The following BDH1 variants were observed in gnomAD, a reference collection of about 807,000 sequenced individuals.
BDH1 encodes D-beta-hydroxybutyrate dehydrogenase, mitochondrial.
Under a neutral mutation model 33.1 loss-of-function variants are expected in BDH1, and 30 were observed. That is an observed-to-expected ratio of 0.91 (90% CI 0.68 to 1.23). The LOEUF is 1.23. Among genes scored for constraint, BDH1 ranks in the 50% most tolerant of loss-of-function variants. The pLI, the probability that BDH1 is intolerant of heterozygous loss-of-function variation, is 0.00. For synonymous variants in BDH1, 190 were observed against 183.6 expected, an observed-to-expected ratio of 1.03 and a Z score of -0.28; for missense variants, 443 against 464.4, an observed-to-expected ratio of 0.95 and a Z score of 0.42.
chr3:197,539,600 G>A (rs1283295531), intron 3 of BDH1, among the ~76,000 whole-genome samples: 4 of 152,164 alleles, frequency 2.6e-5, no homozygotes, highest in Non-Finnish European at 5.9e-5. Context: ...ACAAGATTCT[G>A]ACCCTCCCTA....
intron 2 of BDH1, among the ~76,000 whole-genome samples, chr3:197,548,314 C>T (rs1341389675): frequency 6.6e-6 from 1 of 152,220 alleles, no homozygotes; most frequent in Non-Finnish European, 1.5e-5. Flanking sequence ...GACCAGCTGG[C>T]TAAGCACACA....
chr3:197,537,579 A>G (rs1008661631), intron 3 of BDH1, among the ~76,000 whole-genome samples: 3 of 152,202 alleles, frequency 2.0e-5, no homozygotes, highest in South Asian at 4.1e-4. Flanking sequence ...GAGAACTAAT[A>G]TCCTTGGTTT....
chr3:197,559,086 T>C (rs561270223), upstream of BDH1, among the ~76,000 whole-genome samples: 55 of 148,966 alleles, frequency 3.7e-4, no homozygotes, highest in African/African-American at 1.3e-3. Context: ...CACTGCAACC[T>C]CCGCCTCCAG....
At chr3:197,519,102 C>G (rs1443383281) in intron 6 of BDH1, among the ~76,000 whole-genome samples, 1 of 151,142 alleles carries the variant, frequency 6.6e-6, no homozygotes, top group African/African-American at 2.4e-5. Flanking sequence ...TCAGGTGGAT[C>G]CCCCCATCAG....
Position 197,514,636 on chromosome 3 carries a change from C to T in BDH1, c.410-220G>A, listed in dbSNP as rs1712494880. On this transcript the variant is annotated intron_variant, in intron 6 of 7. Coordinates refer to ENST00000392379, the MANE Select transcript of BDH1 (RefSeq NM_203314.3). This position sits in a 1 kb window ranked among gnomAD's most constrained non-coding sequence, Gnocchi z 4.2. ...TCCCTTGCGTCTAGAATGTCCAGTC[C>T]TCACGTCACATCTGCCTGGCTCGAG... Among the ~76,000 whole-genome samples the T allele has an allele frequency of 6.6e-6, 1 of 152,126 alleles. No individual in the cohort carries two copies. The highest frequency in any genetic ancestry group is 2.1e-4 in the South Asian group (1 of 4,832).
Position 197,512,225 on chromosome 3 carries a change from G to T in BDH1, c.702C>A (p.Ser234Arg). The T allele has an allele frequency of 1.2e-6, 2 of 1,613,770 alleles. No homozygotes were observed. Among genetic ancestry groups the T allele is most frequent in the African/African-American group, 1.3e-5 (1 of 75,042 alleles). The stretch of plus-strand genomic sequence containing the variant: ...CGATGAAGTTGCCGGGCTCCACCAC[G>T]CTGACCTTCACGCCCAGGGGGTACA... ...YEMYPLGVKV[S>R]VVEPGNFIAA... Residue 234 changes from serine (S) to arginine (R), a missense_variant, in exon 8 of 8, where the codon AGC becomes AGA. Transcript: ENST00000392379.
At chr3:197,532,822 T>C (rs1714794647) in intron 4 of BDH1, among the ~76,000 whole-genome samples, 1 of 152,240 alleles carries the variant, frequency 6.6e-6, no homozygotes, top group Non-Finnish European at 1.5e-5. Context: ...ACGCTCAATG[T>C]AGCTAGTGAT....
At chr3:197,556,537 G>C (rs1017103443), upstream of BDH1, among the ~76,000 whole-genome samples, 2 of 151,846 alleles carry the variant, frequency 1.3e-5, no homozygotes, top group African/African-American at 4.8e-5. Context: ...GCGCGGTGGC[G>C]CACGCCTGTA....
intron 6 of BDH1, among the ~76,000 whole-genome samples, chr3:197,515,103 G>A (rs761699847): frequency 9.9e-5 from 15 of 152,210 alleles, no homozygotes; most frequent in South Asian, 2.1e-4. Context: ...GGAACTCGGC[G>A]CTGCTTTATT....
At position 197,512,293 on chromosome 3, in the gene BDH1, T is replaced by G. The variant is rs755013846; in HGVS notation, c.634A>C (p.Lys212Gln). The change falls in exon 8 of 8, where the codon AAG becomes CAG. Residue 212 changes from lysine to glutamine, a missense_variant. Transcript: ENST00000392379. ...TCCGAGAAAGCCTCTACCCCGAACT[T>G]GGTGATGCAGTACGGGGAGCGGGCC... ...NPARSPYCIT[K>Q]FGVEAFSDCL... 1.9e-6 allele frequency: 3 copies of G among 1,612,334 alleles called. No homozygotes were observed. The East Asian group carries it at 6.7e-5, about 36-fold the overall frequency.
intron 2 of BDH1, among the ~76,000 whole-genome samples, chr3:197,553,890 A>G (rs1716775245): frequency 6.6e-6 from 1 of 152,202 alleles, no homozygotes; most frequent in Non-Finnish European, 1.5e-5. Flanking sequence ...AGCCATTTCC[A>G]AGATGTTTGG....
At position 197,532,421 on chromosome 3, in the gene BDH1, G is replaced by A; in HGVS notation, c.258C>T (p.Cys86=). The change falls in exon 5 of 8, where the codon TGC becomes TGT. Residue 86 remains cysteine, a synonymous_variant. Transcript: ENST00000392379. ...HSKGFLVFAG[C]LMKDKGHDGV... is the part of the protein sequence containing the mutation. The stretch of plus-strand genomic sequence containing the variant: ...ATAACTCGTCTCTTACCTTCATCAA[G>A]CAGCCAGCAAACACAAGGAAGCCTT... 6.2e-7 allele frequency: 1 copy of A among 1,613,710 alleles called. No individual in the cohort carries two copies. The highest frequency in any genetic ancestry group is 8.5e-7 in the Non-Finnish European group (1 of 1,179,570).
chr3:197,555,533 T>C (rs2108768987), intron 1 of BDH1: 1 of 152,350 alleles, frequency 6.6e-6, no homozygotes, highest in South Asian at 2.1e-4. Flanking sequence ...GAATAATAAA[T>C]GCCAGATCAT....
At position 197,522,946 on chromosome 3, in the gene BDH1, C is replaced by T; in HGVS notation, c.268-165G>A. 1.4e-6 allele frequency: 1 copy of T among 691,662 alleles called. No homozygotes were observed. The highest frequency in any genetic ancestry group is 2.4e-6 in the Non-Finnish European group (1 of 420,824). 42.8% of individuals were successfully genotyped at this position (691,662 alleles called of 1,614,324 possible). A position where few individuals can be genotyped will look rare whatever the true frequency, so the allele number is the denominator to read the frequency against. ...CCACCAGCATGCGGTTCTTTTTAAT[C>T]CTGAGCACTGATGACCTATCAAGCA... On this transcript the variant is annotated intron_variant, in intron 5 of 7. Transcript: ENST00000392379. The surrounding 1 kb of genome is among the most constrained non-coding windows in gnomAD (Gnocchi z 4.8).
rs757889399 is a variant in BDH1 at position 197,525,422 on chromosome 3, C to G, written c.268-2641G>C. Among the ~76,000 whole-genome samples, 6 of 152,182 alleles carry G rather than the reference C, an allele frequency of 3.9e-5. No individual in the cohort carries two copies. The highest frequency in any genetic ancestry group is 7.3e-5 in the Non-Finnish European group (5 of 68,046). ...CCCCTATACAAGACCTCTCTGGTGC[C>G]CCTACACAGCATCACGACAAGGTCC... is the stretch of plus-strand genomic sequence containing the variant. On this transcript the variant is annotated intron_variant, in intron 5 of 7. Coordinates refer to ENST00000392379, the MANE Select transcript of BDH1 (RefSeq NM_203314.3). This position sits in a 1 kb window ranked among gnomAD's most constrained non-coding sequence, Gnocchi z 4.9.
chr3:197,544,954 G>A (rs1335056904), intron 3 of BDH1, among the ~76,000 whole-genome samples: 10 of 152,134 alleles, frequency 6.6e-5, no homozygotes, highest in African/African-American at 2.4e-4. Flanking sequence ...AGGCTGAGGC[G>A]GGAGAATTGC....
chr3:197,512,227 T>A lies in BDH1; in HGVS notation c.700A>T (p.Ser234Cys), dbSNP rs1461933313. The change falls in exon 8 of 8, where the codon AGC (serine) becomes TGC (cysteine). Residue 234 changes from serine (S) to cysteine (C), a missense_variant. Physicochemically the swap from Ser to Cys is moderately radical, Grantham distance 112. Coordinates refer to ENST00000392379, the MANE Select transcript of BDH1 (RefSeq NM_203314.3). ...ATGAAGTTGCCGGGCTCCACCACGC[T>A]GACCTTCACGCCCAGGGGGTACATC... ...YEMYPLGVKV[S>C]VVEPGNFIAA... is the part of the protein sequence containing the mutation. 6.2e-7 allele frequency: 1 copy of A among 1,613,686 alleles called. No homozygotes were observed. The highest frequency in any genetic ancestry group is 8.5e-7 in the Non-Finnish European group (1 of 1,180,028).
At chr3:197,527,149 T>C (rs1336591131) in intron 5 of BDH1, among the ~76,000 whole-genome samples, 2 of 152,216 alleles carry the variant, frequency 1.3e-5, no homozygotes, top group South Asian at 2.1e-4. Context: ...GTCAGCATCT[T>C]ATCACATGTG....
chr3:197,571,873 G>A (rs1211606970), intron 1 of BDH1, among the ~76,000 whole-genome samples: 2 of 152,188 alleles, frequency 1.3e-5, no homozygotes, highest in Non-Finnish European at 2.9e-5. Flanking sequence ...GACCAGCCTA[G>A]GCAAACAGCA....
Sources: allele counts gnomAD v4.1 joint callset (sites outside exome capture counted in the v4.1 genomes callset), GRCh38; gene constraint gnomAD v4.1.1; non-coding constraint Gnocchi (gnomAD v3.1); transcripts MANE v1.5; gene names NCBI Gene and HGNC (gene_info 2026-07-23, HGNC 2026-07-21).